Variants in PHF21A observed in about 807,000 individuals in gnomAD.
PHF21A encodes the protein BHC80a.
Under a neutral mutation model 82.5 loss-of-function variants are expected in PHF21A, and 11 were observed. The ratio of observed to expected loss-of-function variants is 0.13; its 90% CI spans 0.08 to 0.22. The LOEUF is 0.22. Among genes scored for constraint, PHF21A ranks in the 10% least tolerant of loss-of-function variants. The pLI is 1.00. For missense variants in PHF21A, 579 were observed against 837.8 expected (o/e 0.69, Z 3.81); for synonymous variants, 297 against 302.8 (o/e 0.98, Z 0.20).
chr11:46,037,605 C>A (rs1453265113), intron 6 of PHF21A, among the ~76,000 whole-genome samples: 3 of 145,714 alleles, frequency 2.1e-5, no homozygotes, highest in African/African-American at 2.6e-5. Context: ...ATCGTGCCAG[C>A]GCACTCCAGC....
In PHF21A at chr11:45,956,625, C is replaced by T. The variant is rs140229376; in HGVS notation, c.997-3000G>A. 4.2e-3 allele frequency among the ~76,000 whole-genome samples: 637 copies of T among 151,786 alleles called. 10 individuals are homozygous for T. Among genetic ancestry groups the T allele is most frequent in the Admixed American group, 0.039 (594 of 15,264 alleles). On this transcript the variant is annotated intron_variant, in intron 10 of 18. Coordinates refer to ENST00000676320, the MANE Select transcript of PHF21A (RefSeq NM_001352027.3). ...TTAATTCAAACTAGATTGTTAAAAACGTATGAATGTTTACTGTAATCCCCA... is the reference window on the plus strand; with the variant it reads ...TTAATTCAAACTAGATTGTTAAAAATGTATGAATGTTTACTGTAATCCCCA...
chr11:46,058,366 AG>A, intron 6 of PHF21A, among the ~76,000 whole-genome samples: 1 of 152,304 alleles, frequency 6.6e-6, no homozygotes, highest in East Asian at 1.9e-4. Context: ...AGACTTTGAA[AG>A]GATATTTTGA....
intron 1 of PHF21A, among the ~76,000 whole-genome samples, chr11:46,115,663 A>T (rs542951452): frequency 5.8e-4 from 88 of 152,220 alleles, no homozygotes; most frequent in Non-Finnish European, 1.1e-3. Context: ...AATATTTCCC[A>T]GCACAAAATA....
intron 6 of PHF21A, among the ~76,000 whole-genome samples, chr11:46,032,011 T>C (rs1022517639): frequency 6.6e-6 from 1 of 152,216 alleles, no homozygotes; most frequent in African/African-American, 2.4e-5. Context: ...CTTTATTAGC[T>C]GATAATTTAA....
At chr11:45,963,318 G>A (rs2135870768) in intron 10 of PHF21A, among the ~76,000 whole-genome samples, 1 of 151,798 alleles carries the variant, frequency 6.6e-6, no homozygotes. Flanking sequence ...TACTTGGGAG[G>A]CTGAGGCAGG....
intron 1 of PHF21A, among the ~76,000 whole-genome samples, chr11:46,116,057 C>T (rs756189644): frequency 9.2e-5 from 14 of 152,230 alleles, no homozygotes; most frequent in East Asian, 1.9e-4. Flanking sequence ...AGATACTATA[C>T]CTTTTGATAG....
intron 6 of PHF21A, among the ~76,000 whole-genome samples, chr11:45,995,874 G>A (rs1343815997): frequency 2.6e-5 from 4 of 151,912 alleles, no homozygotes; most frequent in African/African-American, 7.3e-5. Flanking sequence ...AAAACCTTCT[G>A]GTAATCTTCA....
rs372883088 is a variant in PHF21A, at chr11:45,949,215, G to GA, written c.1227+186_1227+187insT. 9.9e-3 allele frequency among the ~76,000 whole-genome samples: 1,507 copies of GA among 152,162 alleles called. 18 individuals carry two copies. Among genetic ancestry groups the GA allele is most frequent in the Non-Finnish European group, 0.014 (918 of 67,990 alleles). ...GTAGGCATGTATCTGCTGAAACTTA[G>GA]GAAAAAAACCTAAGGGGTAAGCAGT... On this transcript the variant is annotated intron_variant, in intron 13 of 18. Coordinates refer to ENST00000676320, the MANE Select transcript of PHF21A (RefSeq NM_001352027.3).
At chr11:45,969,929 AC>A in intron 8 of PHF21A, 25 bp from the exon 9 acceptor site, 1 of 1,435,104 alleles carries the variant, frequency 7.0e-7, no homozygotes, top group Non-Finnish European at 9.8e-7. Flanking sequence ...AGATAAATAA[AC>A]CAGAGAGAAC....
chr11:46,084,481 A>G (rs534315273), intron 3 of PHF21A, among the ~76,000 whole-genome samples, 179 bp from the exon 4 acceptor site: 126 of 152,126 alleles, frequency 8.3e-4, no homozygotes, highest in Non-Finnish European at 1.4e-3. Context: ...AACACTTCAA[A>G]TAACTAAGAA....
At position 46,114,112 on chromosome 11, in the gene PHF21A, T is replaced by A. The variant is rs1398554355; in HGVS notation, c.-237+6823A>T. Among the ~76,000 whole-genome samples the A allele has an allele frequency of 2.7e-5, 4 of 150,658 alleles. No individual in the cohort carries two copies. The East Asian group carries it at 7.8e-4, about 29-fold the overall frequency. On this transcript the variant is annotated intron_variant, in intron 1 of 18. Coordinates refer to ENST00000676320, the MANE Select transcript of PHF21A (RefSeq NM_001352027.3). Reference sequence around the variant, plus strand: ...ACACACACACACACACACGCACACATCCCCACACACACACGCTTCTACAAA... The same window carrying A: ...ACACACACACACACACACGCACACAACCCCACACACACACGCTTCTACAAA...
intron 6 of PHF21A, among the ~76,000 whole-genome samples, chr11:46,019,051 T>G (rs1217349668): frequency 2.0e-5 from 3 of 151,722 alleles, no homozygotes; most frequent in African/African-American, 7.3e-5. Flanking sequence ...GGGAAGAAAA[T>G]AAGCCTTTCT....
intron 6 of PHF21A, among the ~76,000 whole-genome samples, chr11:46,039,656 A>G (rs2096083549): frequency 6.6e-6 from 1 of 152,180 alleles, no homozygotes; most frequent in Non-Finnish European, 1.5e-5. Context: ...TTTTAGATCT[A>G]CGAAGGCTGA....
intron 6 of PHF21A, among the ~76,000 whole-genome samples, chr11:46,004,274 T>G (rs945196431): frequency 1.3e-5 from 2 of 152,178 alleles, no homozygotes; most frequent in African/African-American, 4.8e-5. Context: ...GCAAAAGAGC[T>G]CTTAACAGTC....
rs1358223816 is a variant in PHF21A at position 45,930,182 on chromosome 11, G to C, written c.*3786C>G. The C allele has an allele frequency of 6.6e-6, 1 of 152,320 alleles. No homozygotes were observed. The highest frequency in any genetic ancestry group is 6.5e-5 in the Admixed American group (1 of 15,288). 9.4% of individuals were successfully genotyped at this position (152,320 alleles called of 1,614,324 possible). A position where few individuals can be genotyped will look rare whatever the true frequency, so the allele number is the denominator to read the frequency against. ...AGCTGGGAGGTGACAGCCCAAGGGA[G>C]GCTCTGATGGCCCCAAGAGAGAAGT... is the stretch of plus-strand genomic sequence containing the variant. On this transcript the variant is annotated 3_prime_UTR_variant, in exon 19 of 19. Coordinates refer to ENST00000676320, the MANE Select transcript of PHF21A (RefSeq NM_001352027.3).
At chr11:45,977,804 C>T (rs1326378534) in intron 7 of PHF21A, among the ~76,000 whole-genome samples, 4 of 150,802 alleles carry the variant, frequency 2.7e-5, no homozygotes, top group African/African-American at 4.9e-5. Context: ...TGGTTTTATA[C>T]AGTATTGGTA....
intron 16 of PHF21A, among the ~76,000 whole-genome samples, 191 bp downstream of exon 16, chr11:45,937,966 G>A (rs1372243029): frequency 6.6e-6 from 1 of 152,260 alleles, no homozygotes; most frequent in Non-Finnish European, 1.5e-5. Flanking sequence ...ATCCAGCTCA[G>A]TAATATGGCA....
intron 6 of PHF21A, among the ~76,000 whole-genome samples, chr11:46,045,881 T>G (rs1440005029): frequency 6.6e-6 from 1 of 152,102 alleles, no homozygotes; most frequent in Non-Finnish European, 1.5e-5. Context: ...ACCAGAAAAA[T>G]GAGGATAAAC....
chr11:45,965,043 T>C (rs1017387981), intron 10 of PHF21A, among the ~76,000 whole-genome samples: 1 of 152,184 alleles, frequency 6.6e-6, no homozygotes, highest in Non-Finnish European at 1.5e-5. Context: ...GCAGAGCCTG[T>C]CTGTGAATTT....
Sources: gnomAD v4.1 joint callset for allele counts (sites outside exome capture counted in the v4.1 genomes callset) on GRCh38, gnomAD v4.1.1 for gene constraint, MANE v1.5 for transcripts, NCBI Gene and HGNC (gene_info 2026-07-23, HGNC 2026-07-21) for gene names.